Variants in GALNT13 observed in about 807,000 individuals in gnomAD.
GALNT13 encodes UDP-GalNAc:polypeptide N-acetylgalactosaminyltransferase 13.
Under a neutral mutation model 64.2 loss-of-function variants are expected in GALNT13, and 28 were observed. That is an observed-to-expected ratio of 0.44 (90% CI 0.32 to 0.60). The LOEUF (loss-of-function observed/expected upper bound fraction) is 0.60. Among genes scored for constraint, GALNT13 ranks in the 20% least tolerant of loss-of-function variants. The pLI is 0.05. For synonymous variants in GALNT13, 214 were observed against 224.6 expected (o/e 0.95, Z 0.42); for missense variants, 577 against 669.8 (o/e 0.86, Z 1.53).
intron 4 of GALNT13, among the ~76,000 whole-genome samples, chr2:154,235,069 G>A (rs1430483824): frequency 1.3e-5 from 2 of 152,018 alleles, no homozygotes; most frequent in East Asian, 1.9e-4. Flanking sequence ...AGATTCCTAC[G>A]ACATATTTCC....
chr2:154,260,335 A>G (rs1690627430), intron 8 of GALNT13, among the ~76,000 whole-genome samples: 1 of 152,218 alleles, frequency 6.6e-6, no homozygotes. Flanking sequence ...CATTATCATA[A>G]TATAAATACG....
chr2:153,605,672 A>G, the GALNT13 span, among the ~76,000 whole-genome samples: 1 of 152,100 alleles, frequency 6.6e-6, no homozygotes, highest in Non-Finnish European at 1.5e-5. Context: ...AATGGTTATC[A>G]GTTCTTGGTC....
At chr2:153,684,105 A>C in the GALNT13 span, among the ~76,000 whole-genome samples, 1 of 151,298 alleles carries the variant, frequency 6.6e-6, no homozygotes, top group African/African-American at 2.4e-5. Flanking sequence ...AGGCCATGGG[A>C]ATAGTCAATG....
chr2:153,321,243 C>T, the GALNT13 span, among the ~76,000 whole-genome samples: 1 of 152,142 alleles, frequency 6.6e-6, no homozygotes, highest in African/African-American at 2.4e-5. Flanking sequence ...CCAGATTGTA[C>T]CAATTTTATA....
chr2:154,161,783 A>ATTTT (rs199651253), intron 4 of GALNT13, among the ~76,000 whole-genome samples: 3 of 147,606 alleles, frequency 2.0e-5, no homozygotes. Flanking sequence ...AATCAAGTGT[A>ATTTT]TTTTTTTTTT....
the GALNT13 span, among the ~76,000 whole-genome samples, chr2:153,312,922 A>G: frequency 2.0e-5 from 3 of 152,222 alleles, no homozygotes; most frequent in Non-Finnish European, 4.4e-5. Flanking sequence ...TTAGACTAAT[A>G]TTACCAGCGA....
chr2:154,059,391 G>A (rs965230115), intron 3 of GALNT13, among the ~76,000 whole-genome samples: 30 of 152,142 alleles, frequency 2.0e-4, no homozygotes, highest in Admixed American at 2.0e-3. Context: ...TGCAAGGAGC[G>A]TGATAAAATT....
At chr2:153,647,909 A>G in the GALNT13 span, among the ~76,000 whole-genome samples, 1 of 152,154 alleles carries the variant, frequency 6.6e-6, no homozygotes, top group Non-Finnish European at 1.5e-5. Context: ...TGATGTCTCC[A>G]GCTTTGTTCT....
the GALNT13 span, among the ~76,000 whole-genome samples, chr2:153,416,580 A>T: frequency 1.3e-5 from 2 of 152,192 alleles, no homozygotes; most frequent in East Asian, 3.8e-4. Context: ...AGTTGTGGCA[A>T]ATATTTTCCT....
chr2:153,268,464 A>T, the GALNT13 span, among the ~76,000 whole-genome samples: 1 of 152,106 alleles, frequency 6.6e-6, no homozygotes, highest in Non-Finnish European at 1.5e-5. Context: ...CCCCTTCCTG[A>T]CTGCTTTCAT....
chr2:154,370,565 G>A (rs1184087599), intron 9 of GALNT13, among the ~76,000 whole-genome samples: 1 of 152,112 alleles, frequency 6.6e-6, no homozygotes, highest in Non-Finnish European at 1.5e-5. Context: ...AGTCTTCTAA[G>A]TTTCTTATGA....
chr2:153,701,445 C>T, the GALNT13 span, among the ~76,000 whole-genome samples: 1 of 152,190 alleles, frequency 6.6e-6, no homozygotes, highest in Non-Finnish European at 1.5e-5. Context: ...GCAAGGATTT[C>T]ATGATGAAAA....
At chr2:153,616,364 T>C in the GALNT13 span, among the ~76,000 whole-genome samples, 53 of 152,108 alleles carry the variant, frequency 3.5e-4, no homozygotes, top group Non-Finnish European at 5.9e-4. Flanking sequence ...GATAATGTGG[T>C]TTTTCCAGTT....
At chr2:153,688,161 C>T in the GALNT13 span, among the ~76,000 whole-genome samples, 2 of 151,910 alleles carry the variant, frequency 1.3e-5, no homozygotes, top group African/African-American at 4.8e-5. Context: ...AACATAGCCA[C>T]ATCTATTCAT....
the GALNT13 span, among the ~76,000 whole-genome samples, chr2:153,409,371 T>G: frequency 6.7e-6 from 1 of 148,928 alleles, no homozygotes; most frequent in Non-Finnish European, 1.5e-5. Flanking sequence ...TATATTCATA[T>G]GTGTGTATAT....
At chr2:153,356,789 C>CTTTTT in the GALNT13 span, among the ~76,000 whole-genome samples, 13 of 104,886 alleles carry the variant, frequency 1.2e-4, 2 homozygotes, top group African/African-American at 2.2e-4. Context: ...TCTTCTTCCT[C>CTTTTT]TTTTTTTTTT....
the GALNT13 span, among the ~76,000 whole-genome samples, chr2:153,642,170 T>C: frequency 9.2e-5 from 14 of 152,092 alleles, 1 homozygote; most frequent in East Asian, 2.3e-3. Flanking sequence ...TATTTTCTAA[T>C]ATGTTCTTTA....
At chr2:154,449,794 G>A (rs1333899277) in intron 12 of GALNT13, among the ~76,000 whole-genome samples, 2 of 151,790 alleles carry the variant, frequency 1.3e-5, no homozygotes, top group Non-Finnish European at 2.9e-5. Context: ...AAAAATATGT[G>A]ATCATCATGC....
the GALNT13 span, among the ~76,000 whole-genome samples, chr2:153,691,434 A>G: frequency 6.6e-6 from 1 of 152,214 alleles, no homozygotes; most frequent in East Asian, 1.9e-4. Context: ...TCCTTTCCCT[A>G]TGCATATGAT....
Sources: gnomAD v4.1 joint callset for allele counts (sites outside exome capture counted in the v4.1 genomes callset) on GRCh38, gnomAD v4.1.1 for gene constraint, MANE v1.5 for transcripts, NCBI Gene and HGNC (gene_info 2026-07-23, HGNC 2026-07-21) for gene names.